Variants in UFM1 observed in about 807,000 individuals in gnomAD.
UFM1 encodes the protein ubiquitin fold modifier 1.
In UFM1, 9 loss-of-function variants were observed where a neutral mutation model predicts 15.4. The ratio of observed to expected loss-of-function variants is 0.59; its 90% CI spans 0.35 to 1.02. UFM1 has a LOEUF of 1.02. UFM1 is among the 50% of genes least tolerant of loss of function. The pLI is 0.02. For missense variants in UFM1, 98 were observed against 104.7 expected (o/e 0.94, Z 0.28); for synonymous variants, 27 against 36.3 (o/e 0.74, Z 0.92).
At chr13:38,356,680 CCA>C (rs1288831356) in intron 3 of UFM1, among the ~76,000 whole-genome samples, 3 of 140,092 alleles carry the variant, frequency 2.1e-5, no homozygotes, top group Non-Finnish European at 4.6e-5. Flanking sequence ...ACAACTAGAA[CCA>C]CACACAAATT....
intron 5 of UFM1, chr13:38,360,050 T>C (rs768365843): frequency 2.5e-6 from 1 of 408,086 alleles, no homozygotes; most frequent in South Asian, 1.9e-5. Context: ...GGCCTTGCAG[T>C]TGAAATTCAG....
chr13:38,359,207 C>CA, intron 4 of UFM1, 94 bp from the exon 5 acceptor site: 1 of 1,113,338 alleles, frequency 9.0e-7, no homozygotes, highest in Non-Finnish European at 1.3e-6. Flanking sequence ...TCTATATACA[C>CA]AACAGCACTA....
chr13:38,359,573 GTATT>G (rs1879278848), intron 5 of UFM1: 4 of 342,172 alleles, frequency 1.2e-5, no homozygotes, highest in Non-Finnish European at 2.1e-5. Flanking sequence ...AGCATTAAGA[GTATT>G]TATTATATAT....
intron 4 of UFM1, among the ~76,000 whole-genome samples, chr13:38,358,945 G>A (rs1329468371): frequency 3.3e-5 from 5 of 152,148 alleles, no homozygotes; most frequent in East Asian, 1.9e-4. Flanking sequence ...AGAACAATAC[G>A]AAGATGATTC....
rs1879497373 is a variant in UFM1, at chr13:38,363,079, G to A, written c.*2301G>A. On this transcript the variant is annotated 3_prime_UTR_variant, in exon 6 of 6. Coordinates refer to ENST00000239878, the MANE Select transcript of UFM1 (RefSeq NM_016617.4). ...GTCAGTATATAATACATGTAGTAAA[G>A]AAAAAAAGGGCAAAGATGATTAATG... is the stretch of plus-strand genomic sequence containing the variant. The A allele has an allele frequency of 6.6e-6, 1 of 151,828 alleles. No homozygotes were observed. The highest frequency in any genetic ancestry group is 1.5e-5 in the Non-Finnish European group (1 of 67,914). The allele number at this position is 151,828 out of a possible 1,614,324, so 9.4% of individuals were successfully genotyped here.
intron 4 of UFM1, 87 bp from the exon 5 acceptor site, chr13:38,359,214 A>G (rs1188907553): frequency 7.5e-6 from 9 of 1,203,080 alleles, no homozygotes. Flanking sequence ...ACACAACAGC[A>G]CTATTTTGGC....
In UFM1 at chr13:38,354,250, CT is replaced by C; in HGVS notation, c.72del (p.Glu25LysfsTer9). Reference protein sequence around the residue: ...PRLPYKVLSVPESTPFTAVLK... With the variant: ...PRLPYKVLSVXESTPFTAVLK... ...AATTCTTCTTGCAGACTCAGTGTTC[CT>C]GAAAGTACACCTTTCACAGCAGTCT... On this transcript the variant is annotated frameshift_variant, in exon 3 of 6. Transcript: ENST00000239878. LOFTEE classifies it high-confidence loss of function. 1 of 1,609,210 alleles carries C rather than the reference CT, an allele frequency of 6.2e-7. No individual in the cohort carries two copies. The highest frequency in any genetic ancestry group is 8.5e-7 in the Non-Finnish European group (1 of 1,176,840).
At chr13:38,359,773 C>T (rs1879286737) in intron 5 of UFM1, 1 of 162,080 alleles carries the variant, frequency 6.2e-6, no homozygotes, top group African/African-American at 2.4e-5. Flanking sequence ...AGTCTACATT[C>T]AGATCTTCAA....
chr13:38,354,091 AG>A (rs1878979490), intron 2 of UFM1, 147 bp from the exon 3 acceptor site: 1 of 594,336 alleles, frequency 1.7e-6, no homozygotes, highest in Non-Finnish European at 3.0e-6. Flanking sequence ...TTTGAGTTAA[AG>A]AATGTAGTAT....
chr13:38,356,499 ATG>A (rs1879101660), intron 3 of UFM1, among the ~76,000 whole-genome samples: 1 of 151,832 alleles, frequency 6.6e-6, no homozygotes, highest in Admixed American at 6.6e-5. Context: ...TGAGATTAAA[ATG>A]TGTTTATTAT....
chr13:38,357,417 A>G (rs915146301), intron 3 of UFM1, among the ~76,000 whole-genome samples: 9 of 151,920 alleles, frequency 5.9e-5, no homozygotes, highest in Non-Finnish European at 1.3e-4. Context: ...GCATAAATTG[A>G]CAGTGGTTTT....
chr13:38,354,411 G>A (rs1879003198), intron 3 of UFM1, 115 bp downstream of exon 3: 12 of 773,736 alleles, frequency 1.6e-5, no homozygotes, highest in Middle Eastern at 5.1e-4. Context: ...TCATTACTAG[G>A]TTTATGTTAT....
At position 38,362,331 on chromosome 13, in the gene UFM1, AGTT is replaced by A. The variant is rs1339192584; in HGVS notation, c.*1557_*1559del. ...TCAGCATTTGAAGTGTACCATTGGTAGTTGTTTATGAAATTACCAGATATTCAT... is the reference window on the plus strand; with the variant it reads ...TCAGCATTTGAAGTGTACCATTGGTAGTTTATGAAATTACCAGATATTCAT... On this transcript the variant is annotated 3_prime_UTR_variant, in exon 6 of 6. Transcript: ENST00000239878. 1 of 152,232 alleles carries A rather than the reference AGTT, an allele frequency of 6.6e-6. No homozygotes were observed. The highest frequency in any genetic ancestry group is 6.5e-5 in the Admixed American group (1 of 15,282). 9.4% of individuals were successfully genotyped at this position (152,232 alleles called of 1,614,324 possible). A position where few individuals can be genotyped will look rare whatever the true frequency, so the allele number is the denominator to read the frequency against.
At chr13:38,350,673 T>C (rs1019610006) in intron 2 of UFM1, among the ~76,000 whole-genome samples, 5 of 152,178 alleles carry the variant, frequency 3.3e-5, no homozygotes, top group Admixed American at 1.3e-4. Context: ...CCTTTACTTA[T>C]CCTTCGCAGT....
At chr13:38,352,595 C>T (rs895740100) in intron 2 of UFM1, among the ~76,000 whole-genome samples, 5 of 152,002 alleles carry the variant, frequency 3.3e-5, no homozygotes, top group East Asian at 1.9e-4. Context: ...ATTTAAGTAC[C>T]GATTTTATGA....
At position 38,359,242 on chromosome 13, in the gene UFM1, A is replaced by G. The variant is rs867550731; in HGVS notation, c.158-59A>G. The G allele has an allele frequency of 4.5e-6, 7 of 1,550,416 alleles. No individual in the cohort carries two copies. In the Middle Eastern group the frequency reaches 1.1e-3, roughly 237 times the overall value. Reference sequence around the variant, plus strand: ...ATTTTGGCAAATCTCTTTCCTTGCTACTATTTAACCATTTTAGCTTTAGAA... The same window carrying G: ...ATTTTGGCAAATCTCTTTCCTTGCTGCTATTTAACCATTTTAGCTTTAGAA... On this transcript the variant is annotated intron_variant, in intron 4 of 5. Coordinates refer to ENST00000239878, the MANE Select transcript of UFM1 (RefSeq NM_016617.4).
At position 38,362,433 on chromosome 13, in the gene UFM1, G is replaced by C. The variant is rs908525850; in HGVS notation, c.*1655G>C. On this transcript the variant is annotated 3_prime_UTR_variant, in exon 6 of 6. Transcript: ENST00000239878. ...ATTTGCTGAGGTGAAAAAATCTGAT[G>C]TTTGAGGAAGTTTTTATTTTTATTT... 1.2e-4 allele frequency: 18 copies of C among 149,510 alleles called. No homozygotes were observed. The highest frequency in any genetic ancestry group is 4.1e-4 in the African/African-American group (17 of 40,972). The allele number at this position is 149,510 out of a possible 1,614,324, so 9.3% of individuals were successfully genotyped here.
At chr13:38,358,644 A>G (rs1879233313) in intron 4 of UFM1, among the ~76,000 whole-genome samples, 1 of 151,996 alleles carries the variant, frequency 6.6e-6, no homozygotes, top group East Asian at 1.9e-4. Context: ...TAAGATGAGG[A>G]GTAAAGATTG....
At chr13:38,359,944 G>A in intron 5 of UFM1, 1 of 228,174 alleles carries the variant, frequency 4.4e-6, no homozygotes, top group Non-Finnish European at 9.0e-6. Context: ...TTAAAATTAG[G>A]CATGCTTTAA....
Sources: gnomAD v4.1 joint callset for allele counts (sites outside exome capture counted in the v4.1 genomes callset) on GRCh38, gnomAD v4.1.1 for gene constraint, MANE v1.5 for transcripts, NCBI Gene and HGNC (gene_info 2026-07-23, HGNC 2026-07-21) for gene names.